The following ZNF140 variants were observed in gnomAD, a reference collection of about 807,000 sequenced individuals.
The protein encoded by ZNF140 is zinc finger protein 140 (clone pHZ-39).
In ZNF140, 13 loss-of-function variants were observed where a neutral mutation model predicts 12.9. The observed-to-expected ratio is 1.01, with a 90% CI of 0.66 to 1.60. The LOEUF (loss-of-function observed/expected upper bound fraction) is 1.60, where lower values mean the gene tolerates loss of function less well. Ranked by LOEUF, ZNF140 falls within the 40% of genes most tolerant of loss-of-function variation. The pLI, the probability that ZNF140 is intolerant of heterozygous loss-of-function variation, is 0.00. For missense variants in ZNF140, 531 were observed against 548.8 expected, an observed-to-expected ratio of 0.97 and a Z score of 0.32; for synonymous variants, 214 against 186.7, an observed-to-expected ratio of 1.15 and a Z score of -1.19.
chr12:133,095,782 T>C (rs1164434522), intron 4 of ZNF140, among the ~76,000 whole-genome samples: 7 of 151,880 alleles, frequency 4.6e-5, no homozygotes, highest in Admixed American at 1.3e-4. Context: ...GTACTATGCC[T>C]GGATGTGCAC....
At chr12:133,103,510 A>G (rs1485429650) in intron 4 of ZNF140, among the ~76,000 whole-genome samples, 2 of 151,528 alleles carry the variant, frequency 1.3e-5, no homozygotes, top group Non-Finnish European at 2.9e-5. Flanking sequence ...TCTAGGACTC[A>G]AGTGATCCTC....
In ZNF140 at chr12:133,105,678, A is replaced by C. The variant is rs1955565774; in HGVS notation, c.401A>C (p.Gln134Pro). Residue 134 changes from glutamine to proline, a missense_variant, in exon 5 of 5, where the codon CAG becomes CCG. Gln to Pro is a moderately conservative substitution (Grantham distance 76, BLOSUM62 -1). Transcript: ENST00000355557. ...CATACTGAGATGCTGCAAGAAAATCAGGGATGTATTAGGAAAGTAACAGTC... is the reference window on the plus strand; with the variant it reads ...CATACTGAGATGCTGCAAGAAAATCCGGGATGTATTAGGAAAGTAACAGTC... ...KDHTEMLQENQGCIRKVTVSH... is the reference protein window; with the variant it reads ...KDHTEMLQENPGCIRKVTVSH... 6.2e-7 allele frequency: 1 copy of C among 1,614,210 alleles called. No individual in the cohort carries two copies. Among genetic ancestry groups the C allele is most frequent in the Middle Eastern group, 1.6e-4 (1 of 6,062 alleles).
Position 133,106,366 on chromosome 12 carries a change from T to C in ZNF140, c.1089T>C (p.Gly363=). 1.2e-6 allele frequency: 2 copies of C among 1,614,202 alleles called. No homozygotes were observed. Among genetic ancestry groups the C allele is most frequent in the Non-Finnish European group, 1.7e-6 (2 of 1,180,028 alleles). Residue 363 remains glycine, a synonymous_variant, in exon 5 of 5, where the codon GGT becomes GGC. Transcript: ENST00000355557. ...GEKLYECDEC[G]KVFTWHASLI... is the part of the protein sequence containing the mutation. ...AGCTCTATGAATGTGATGAATGTGGTAAAGTTTTCACTTGGCATGCATCCC... is the reference window on the plus strand; with the variant it reads ...AGCTCTATGAATGTGATGAATGTGGCAAAGTTTTCACTTGGCATGCATCCC...
At chr12:133,083,025 T>A in intron 2 of ZNF140, 78 bp from the exon 3 acceptor site, 1 of 1,605,848 alleles carries the variant, frequency 6.2e-7, no homozygotes, top group Non-Finnish European at 8.5e-7. Flanking sequence ...ACCTCCACAG[T>A]GAGACTCATT....
chr12:133,095,547 GAC>G (rs2137537664), intron 4 of ZNF140, among the ~76,000 whole-genome samples: 1 of 151,754 alleles, frequency 6.6e-6, no homozygotes, highest in African/African-American at 2.4e-5. Flanking sequence ...AAAGAAAGAA[GAC>G]ACAGAGACAA....
Position 133,092,276 on chromosome 12 carries a change from C to T in ZNF140, c.232+8715C>T, listed in dbSNP as rs1253706654. Among the ~76,000 whole-genome samples, 3 of 150,880 alleles carry T rather than the reference C, an allele frequency of 2.0e-5. 1 individual carries two copies. The highest frequency in any genetic ancestry group is 4.9e-5 in the African/African-American group (2 of 40,672). On this transcript the variant is annotated intron_variant, in intron 4 of 4. Transcript: ENST00000355557. ...TACGGATGGAGAAGCCTCCCACGGTCGGTCCATGGACACAGGGATCCTCGC... is the reference window on the plus strand; with the variant it reads ...TACGGATGGAGAAGCCTCCCACGGTTGGTCCATGGACACAGGGATCCTCGC...
rs1330283051 is a variant in ZNF140, at chr12:133,107,423, T to C, written c.*772T>C. 6.6e-6 allele frequency: 1 copy of C among 152,204 alleles called. No homozygotes were observed. The highest frequency in any genetic ancestry group is 1.5e-5 in the Non-Finnish European group (1 of 68,034). The allele number at this position is 152,204 out of a possible 1,614,324, so 9.4% of individuals were successfully genotyped here. A position where few individuals can be genotyped will look rare whatever the true frequency, so the allele number is the denominator to read the frequency against. Reference sequence around the variant, plus strand: ...GTTATAAATAAATCTTTTGGTTTATTATAAACCTTCTGCTTGCTGATTTTT... The same window carrying C: ...GTTATAAATAAATCTTTTGGTTTATCATAAACCTTCTGCTTGCTGATTTTT... On this transcript the variant is annotated 3_prime_UTR_variant, in exon 5 of 5. Coordinates refer to ENST00000355557, the MANE Select transcript of ZNF140 (RefSeq NM_003440.4).
chr12:133,094,749 A>G (rs1955007611), intron 4 of ZNF140, among the ~76,000 whole-genome samples: 2 of 151,234 alleles, frequency 1.3e-5, no homozygotes, highest in South Asian at 2.1e-4. Flanking sequence ...AAGTCGCAGC[A>G]AGCGTAGTTT....
Position 133,100,951 on chromosome 12 carries a change from A to G in ZNF140, c.233-4559A>G, listed in dbSNP as rs372317763. The stretch of plus-strand genomic sequence containing the variant: ...CAGTTTAAACATGAATTATTTCTGG[A>G]ATTTTCTATTTAATACTTTTAAATA... On this transcript the variant is annotated intron_variant, in intron 4 of 4. Transcript: ENST00000355557. 1,419 of 452,676 alleles carry G rather than the reference A, an allele frequency of 3.1e-3. 10 individuals are homozygous for G. The highest frequency in any genetic ancestry group is 0.022 in the African/African-American group (1,114 of 50,082). The allele number at this position is 452,676 out of a possible 1,614,324, so 28.0% of individuals were successfully genotyped here. A position where few individuals can be genotyped will look rare whatever the true frequency, so the allele number is the denominator to read the frequency against.
rs905286842 is a variant in ZNF140 at position 133,093,074 on chromosome 12, T to G, written c.232+9513T>G. Among the ~76,000 whole-genome samples, 18 of 151,322 alleles carry G rather than the reference T, an allele frequency of 1.2e-4. 1 individual carries two copies. The highest frequency in any genetic ancestry group is 3.9e-4 in the African/African-American group (16 of 40,938). On this transcript the variant is annotated intron_variant, in intron 4 of 4. Transcript: ENST00000355557. ...GACAGTAGGTACTTATACCAACCAA[T>G]TTTGGATTGTAGGCATTAAGCATCC...
At chr12:133,096,126 T>G (rs1446987157) in intron 4 of ZNF140, among the ~76,000 whole-genome samples, 6 of 151,814 alleles carry the variant, frequency 4.0e-5, no homozygotes, top group South Asian at 2.1e-4. Context: ...GGGAGAAACC[T>G]TGGACAATAC....
intron 4 of ZNF140, among the ~76,000 whole-genome samples, chr12:133,086,711 T>C (rs1255495826): frequency 6.6e-6 from 1 of 152,166 alleles, no homozygotes; most frequent in Non-Finnish European, 1.5e-5. Flanking sequence ...AAGAAATCTT[T>C]CCCTCCTAAG....
At position 133,100,160 on chromosome 12, in the gene ZNF140, G is replaced by GTTTTTTTTTTTTTTT. The variant is rs58610589; in HGVS notation, c.233-5337_233-5323dup. ...CATCCAAAAATTTAATGCCTTTTCC[G>GTTTTTTTTTTTTTTT]TTTTTTTTTTTTTTTTTTTTTTTTT... On this transcript the variant is annotated intron_variant, in intron 4 of 4. Transcript: ENST00000355557. 8.2e-5 allele frequency among the ~76,000 whole-genome samples: 5 copies of GTTTTTTTTTTTTTTT among 60,978 alleles called. 1 individual carries two copies. Among genetic ancestry groups the GTTTTTTTTTTTTTTT allele is most frequent in the African/African-American group, 3.2e-4 (4 of 12,612 alleles). 40.0% of individuals were successfully genotyped at this position (60,978 alleles called of 152,430 possible).
In ZNF140 at chr12:133,106,899, AT is replaced by A; in HGVS notation, c.*249del. 1 of 321,764 alleles carries A rather than the reference AT, an allele frequency of 3.1e-6. No homozygotes were observed. Among genetic ancestry groups the A allele is most frequent in the Non-Finnish European group, 5.7e-6 (1 of 175,444 alleles). The allele number at this position is 321,764 out of a possible 1,614,324, so 19.9% of individuals were successfully genotyped here. ...TCAATATTGTTGAGAAGATTCTTCC[AT>A]CTGGTAATGTTGAGAAGACTTCATT... On this transcript the variant is annotated 3_prime_UTR_variant, in exon 5 of 5. Coordinates refer to ENST00000355557, the MANE Select transcript of ZNF140 (RefSeq NM_003440.4).
At chr12:133,096,087 C>G (rs1593781051) in intron 4 of ZNF140, among the ~76,000 whole-genome samples, 2 of 151,556 alleles carry the variant, frequency 1.3e-5, no homozygotes, top group African/African-American at 4.8e-5. Flanking sequence ...TTTCTCATCC[C>G]ACGAGGCCAT....
intron 4 of ZNF140, among the ~76,000 whole-genome samples, chr12:133,088,397 A>G (rs1328527556): frequency 1.3e-5 from 2 of 152,244 alleles, no homozygotes; most frequent in African/African-American, 4.8e-5. Flanking sequence ...ACTAATACAT[A>G]GTAATATGCA....
intron 4 of ZNF140, among the ~76,000 whole-genome samples, chr12:133,102,894 A>G (rs1213682939): frequency 6.6e-6 from 1 of 152,210 alleles, no homozygotes; most frequent in African/African-American, 2.4e-5. Flanking sequence ...GAGGAAGGGA[A>G]GTGTGTGAAG....
At position 133,081,348 on chromosome 12, in the gene ZNF140, A is replaced by AATATATATAT. The variant is rs368640870; in HGVS notation, c.9+33_9+42dup. The AATATATATAT allele has an allele frequency of 0.033, 10,423 of 317,926 alleles. 689 individuals carry two copies. Among genetic ancestry groups the AATATATATAT allele is most frequent in the Middle Eastern group, 0.046 (41 of 882 alleles). 19.7% of individuals were successfully genotyped at this position (317,926 alleles called of 1,614,324 possible). A position where few individuals can be genotyped will look rare whatever the true frequency, so the allele number is the denominator to read the frequency against. Reference sequence around the variant, plus strand: ...GTCTCAGGTAAGCTAATGATTGATAAATATATATATATATATATATATAAA... The same window carrying AATATATATAT: ...GTCTCAGGTAAGCTAATGATTGATAAATATATATATATATATATATATATATATATATAAA... On this transcript the variant is annotated intron_variant, in intron 2 of 4. Transcript: ENST00000355557.
intron 2 of ZNF140, chr12:133,081,583 C>G (rs1954504719): frequency 2.2e-6 from 1 of 455,142 alleles, no homozygotes; most frequent in Non-Finnish European, 4.4e-6. Flanking sequence ...GGCAGAACCC[C>G]AGGACCCTGT....
Sources: allele counts gnomAD v4.1 joint callset (sites outside exome capture counted in the v4.1 genomes callset), GRCh38; gene constraint gnomAD v4.1.1; transcripts MANE v1.5; gene names NCBI Gene and HGNC (gene_info 2026-07-23, HGNC 2026-07-21).